The following PDE4DIP variants were observed in gnomAD, a reference collection of about 807,000 sequenced individuals.
PDE4DIP encodes the protein phosphodiesterase 4D interacting protein.
A neutral mutation model predicts 221.4 loss-of-function variants in PDE4DIP; 59 were observed. The observed-to-expected ratio is 0.27, with a 90% CI of 0.22 to 0.33. The LOEUF is 0.33. Among genes scored for constraint, PDE4DIP ranks in the 10% least tolerant of loss-of-function variants. The probability of loss-of-function intolerance (pLI) is 1.00; values close to 1 mark genes in which losing one functional copy is unlikely to be tolerated. For missense variants in PDE4DIP, 1,036 were observed against 2,154.2 expected, an observed-to-expected ratio of 0.48 and a Z score of 10.28; for synonymous variants, 404 against 815.9, an observed-to-expected ratio of 0.50 and a Z score of 8.60.
intron 32 of PDE4DIP, among the ~76,000 whole-genome samples, chr1:149,015,682 T>G (rs1312177749): frequency 6.7e-6 from 1 of 150,220 alleles, no homozygotes; most frequent in Non-Finnish European, 1.5e-5. Flanking sequence ...GATGACATTT[T>G]GCAGCTCCTT....
At position 148,917,179 on chromosome 1, in the gene PDE4DIP, C is replaced by T. The variant is rs1236358557; in HGVS notation, c.142-12018C>T. Among the ~76,000 whole-genome samples, 8 of 151,896 alleles carry T rather than the reference C, an allele frequency of 5.3e-5. No individual in the cohort carries two copies. In the East Asian group the frequency reaches 1.2e-3, roughly 22 times the overall value. On this transcript the variant is annotated intron_variant, in intron 1 of 43. Transcript: ENST00000369354. ...CTCACTGGCCAGCTCAGTTGGGCCACATCAACAGAGGCCTCTGGGACACGA... is the reference window on the plus strand; with the variant it reads ...CTCACTGGCCAGCTCAGTTGGGCCATATCAACAGAGGCCTCTGGGACACGA...
intron 21 of PDE4DIP, among the ~76,000 whole-genome samples, chr1:148,987,129 CAT>C (rs781918410): frequency 1.2e-4 from 18 of 152,258 alleles, no homozygotes; most frequent in Admixed American, 4.6e-4. Flanking sequence ...CTTTCTGAAA[CAT>C]GTGAGCTGGA....
At chr1:149,001,715 G>A (rs782691901) in exon 24 of PDE4DIP, 1 of 1,506,900 alleles carries the variant, frequency 6.6e-7, no homozygotes. Context: ...TGAGACTGTG[G>A]TAACCAAAGA....
intron 32 of PDE4DIP, among the ~76,000 whole-genome samples, chr1:149,015,460 A>G (rs1430629400): frequency 6.6e-6 from 1 of 151,682 alleles, no homozygotes; most frequent in Non-Finnish European, 1.5e-5. Context: ...CCTGAAAGAA[A>G]GCAGGCTTCT....
chr1:148,948,189 A>G (rs2052269352), intron 5 of PDE4DIP, among the ~76,000 whole-genome samples: 1 of 150,126 alleles, frequency 6.7e-6, no homozygotes, highest in Non-Finnish European at 1.5e-5. Flanking sequence ...TTGATATATA[A>G]AATTAATAAT....
intron 5 of PDE4DIP, chr1:148,942,128 G>A (rs1472550708): frequency 6.6e-6 from 1 of 152,316 alleles, no homozygotes; most frequent in Admixed American, 6.5e-5. Context: ...TTGTCCAAGT[G>A]AAGAACGCTA....
chr1:148,843,531 C>T lies in PDE4DIP; in HGVS notation c.234-19719C>T, dbSNP rs1675559764. Among the ~76,000 whole-genome samples, 2 of 89,756 alleles carry T rather than the reference C, an allele frequency of 2.2e-5. 1 individual carries two copies. Among genetic ancestry groups the T allele is most frequent in the East Asian group, 1.9e-3 (2 of 1,062 alleles). The allele number at this position is 89,756 out of a possible 152,430, so 58.9% of individuals were successfully genotyped here. On this transcript the variant is annotated intron_variant, in intron 1 of 45. Coordinates refer to the PDE4DIP transcript ENST00000524974. The stretch of plus-strand genomic sequence containing the variant: ...ATTGCCACATGTGGGCACTATAAAG[C>T]CTTTTTCAGATAAAAAAAAAGGTCA...
upstream of PDE4DIP, among the ~76,000 whole-genome samples, chr1:148,889,099 C>G (rs1432371176): frequency 3.9e-5 from 6 of 152,090 alleles, no homozygotes; most frequent in East Asian, 7.8e-4. Context: ...GAAATTGAGA[C>G]TCCTCTGGTT....
intron 37 of PDE4DIP, 185 bp downstream of exon 40, chr1:149,021,338 G>A (rs80097108): frequency 0.058 from 33,954 of 586,538 alleles, 877 homozygotes; most frequent in East Asian, 0.36. Context: ...CAGGTTGGTG[G>A]CACGAGCAAG....
chr1:148,933,618 TAA>T (rs1250946528), intron 4 of PDE4DIP, among the ~76,000 whole-genome samples: 1 of 152,182 alleles, frequency 6.6e-6, no homozygotes, highest in Non-Finnish European at 1.5e-5. Flanking sequence ...TGTGGTGGTA[TAA>T]AAAGCTTTAA....
intron 35 of PDE4DIP, among the ~76,000 whole-genome samples, 175 bp from the exon 39 acceptor site, chr1:149,019,972 G>A (rs1277897808): frequency 1.3e-5 from 2 of 152,168 alleles, no homozygotes; most frequent in Non-Finnish European, 2.9e-5. Flanking sequence ...CAAAGAGAGA[G>A]AGGCACCATG....
chr1:149,003,752 CTCA>C, intron 26 of PDE4DIP, 22 bp downstream of exon 29: 2 of 1,214,476 alleles, frequency 1.6e-6, no homozygotes, highest in Non-Finnish European at 2.4e-6. Flanking sequence ...GGGTGTGGGG[CTCA>C]CCCCTCCCTG....
intron 21 of PDE4DIP, among the ~76,000 whole-genome samples, chr1:148,989,760 C>T (rs1409685019): frequency 5.9e-5 from 9 of 152,188 alleles, no homozygotes; most frequent in Non-Finnish European, 1.3e-4. Flanking sequence ...GCTGGAAAAA[C>T]ATAAAAGATT....
At position 149,010,601 on chromosome 1, in the gene PDE4DIP, C is replaced by T. The variant is rs782026667; in HGVS notation, c.5080+6C>T. On this transcript the variant is annotated splice_donor_region_variant and intron_variant, in intron 31 of 43. Coordinates refer to ENST00000369354, the Ensembl canonical transcript of PDE4DIP. Reference sequence around the variant, plus strand: ...GGCCAACCAGGCCCATTCAGGTATGCAACAGCCAATGGGGCAGAAGCTTCA... The same window carrying T: ...GGCCAACCAGGCCCATTCAGGTATGTAACAGCCAATGGGGCAGAAGCTTCA... The T allele has an allele frequency of 9.3e-6, 15 of 1,613,312 alleles. No individual in the cohort carries two copies. The highest frequency in any genetic ancestry group is 1.3e-5 in the Non-Finnish European group (15 of 1,179,686).
intron 23 of PDE4DIP, among the ~76,000 whole-genome samples, chr1:148,999,367 T>C (rs1186321863): frequency 1.8e-4 from 28 of 152,070 alleles, no homozygotes; most frequent in African/African-American, 5.3e-4. Context: ...ACCACTTAAA[T>C]TTCCCTGAAT....
At chr1:148,959,116 T>G (rs1574307943) in intron 5 of PDE4DIP, among the ~76,000 whole-genome samples, 1 of 152,150 alleles carries the variant, frequency 6.6e-6, no homozygotes, top group African/African-American at 2.4e-5. Flanking sequence ...TCCATAATAT[T>G]TTTTGCATTT....
At chr1:148,862,222 T>A (rs1322372905) in intron 1 of PDE4DIP, among the ~76,000 whole-genome samples, 2 of 151,304 alleles carry the variant, frequency 1.3e-5, no homozygotes, top group African/African-American at 2.4e-5. Flanking sequence ...ACTATACAAT[T>A]TATTTATTGT....
At chr1:148,915,136 T>C (rs2043661400) in intron 1 of PDE4DIP, among the ~76,000 whole-genome samples, 1 of 104,006 alleles carries the variant, frequency 9.6e-6, no homozygotes, top group Admixed American at 8.6e-5. Context: ...TCTGGTTTTT[T>C]TGTTTGTTTG....
chr1:149,030,244 A>G lies in PDE4DIP; in HGVS notation c.6965A>G (p.His2322Arg), dbSNP rs1391090339. 9 of 1,509,644 alleles carry G rather than the reference A, an allele frequency of 6.0e-6. No individual in the cohort carries two copies. In the Admixed American group the frequency reaches 7.7e-5, roughly 13 times the overall value. 93.5% of individuals were successfully genotyped at this position (1,509,644 alleles called of 1,614,324 possible). Residue 2322 changes from histidine (H) to arginine (R), a missense_variant, in exon 43 of 44, where the codon CAT becomes CGT. Coordinates refer to ENST00000369354, the Ensembl canonical transcript of PDE4DIP. ...TTTGTTGTTTCAGTAACCAGAACACATGATGTTTTAAAGAAGGCAAGGACT... is the reference window on the plus strand; with the variant it reads ...TTTGTTGTTTCAGTAACCAGAACACGTGATGTTTTAAAGAAGGCAAGGACT...
Sources: allele counts gnomAD v4.1 joint callset (sites outside exome capture counted in the v4.1 genomes callset), GRCh38; gene constraint gnomAD v4.1.1; transcripts MANE v1.5; gene names NCBI Gene and HGNC (gene_info 2026-07-23, HGNC 2026-07-21).